PTPRD: variants seen among roughly 807,000 people sequenced by gnomAD.
The protein encoded by PTPRD is protein tyrosine phosphatase receptor type D.
A neutral mutation model predicts 214.5 loss-of-function variants in PTPRD; 34 were observed. The ratio of observed to expected loss-of-function variants is 0.16; its 90% CI spans 0.12 to 0.21. The LOEUF is 0.21. Ranked by LOEUF, PTPRD falls within the 10% of genes least tolerant of loss-of-function variation. The pLI, the probability that PTPRD is intolerant of heterozygous loss-of-function variation, is 1.00. For missense variants in PTPRD, 2,545 were observed against 2,398.7 expected (o/e 1.06, Z -1.27); for synonymous variants, 1,128 against 845.7 (o/e 1.33, Z -5.79).
At chr9:10,081,042 C>A (rs964549427) in intron 3 of PTPRD, among the ~76,000 whole-genome samples, 11 of 151,930 alleles carry the variant, frequency 7.2e-5, no homozygotes, top group Non-Finnish European at 2.9e-5. Context: ...ACCCAAATAA[C>A]TTGTATGGAA....
At chr9:9,772,042 T>C (rs1178319687) in intron 5 of PTPRD, among the ~76,000 whole-genome samples, 2 of 152,178 alleles carry the variant, frequency 1.3e-5, no homozygotes, top group Admixed American at 6.6e-5. Flanking sequence ...TGTGTTGAAG[T>C]CCTAACCCCC....
At chr9:8,570,752 A>C (rs1055746936) in intron 14 of PTPRD, among the ~76,000 whole-genome samples, 1 of 152,182 alleles carries the variant, frequency 6.6e-6, no homozygotes. Flanking sequence ...GTTTGTTTTA[A>C]GCTGTATCAT....
At chr9:9,305,281 A>G (rs907536998) in intron 9 of PTPRD, among the ~76,000 whole-genome samples, 1 of 151,864 alleles carries the variant, frequency 6.6e-6, no homozygotes, top group African/African-American at 2.4e-5. Context: ...TTTAACAGTA[A>G]TCTTGGTAGG....
chr9:9,787,764 AT>A (rs887257771), intron 5 of PTPRD, among the ~76,000 whole-genome samples: 1 of 140,474 alleles, frequency 7.1e-6, no homozygotes, highest in African/African-American at 2.6e-5. Flanking sequence ...ACGTATATCA[AT>A]TTTTTATTTA....
intron 3 of PTPRD, among the ~76,000 whole-genome samples, chr9:10,040,793 T>C (rs944663221): frequency 6.6e-6 from 1 of 152,086 alleles, no homozygotes; most frequent in African/African-American, 2.4e-5. Flanking sequence ...TAAACCTCAC[T>C]TTTAAAGGTA....
chr9:10,264,828 C>T (rs1367650162), intron 3 of PTPRD, among the ~76,000 whole-genome samples: 1 of 152,074 alleles, frequency 6.6e-6, no homozygotes, highest in Non-Finnish European at 1.5e-5. Context: ...ATTATAGCTC[C>T]CATAATCCCC....
At position 9,744,831 on chromosome 9, in the gene PTPRD, A is replaced by T. The variant is rs115713912; in HGVS notation, c.-325-10260T>A. ...TAATCTAATTCATCACACAGCTTTT[A>T]TGTGAGCCCTCCAGCAATTTTAATA... On this transcript the variant is annotated intron_variant, in intron 6 of 45. Coordinates refer to ENST00000381196, the MANE Select transcript of PTPRD (RefSeq NM_002839.4). Among the ~76,000 whole-genome samples the T allele has an allele frequency of 2.1e-3, 323 of 152,136 alleles. 2 individuals carry two copies. The highest frequency in any genetic ancestry group is 7.5e-3 in the African/African-American group (310 of 41,546).
At chr9:9,140,040 G>C (rs928202866) in intron 10 of PTPRD, among the ~76,000 whole-genome samples, 4 of 151,600 alleles carry the variant, frequency 2.6e-5, no homozygotes, top group African/African-American at 9.7e-5. Context: ...TATTTTGTTT[G>C]AAAAAAGATT....
chr9:8,398,395 T>A (rs1261976592), intron 36 of PTPRD, among the ~76,000 whole-genome samples: 1 of 152,136 alleles, frequency 6.6e-6, no homozygotes. Context: ...CTGAGCAGCA[T>A]ATAGGCCCTC....
intron 7 of PTPRD, among the ~76,000 whole-genome samples, chr9:9,611,279 A>T (rs2094497472): frequency 6.6e-6 from 1 of 152,212 alleles, no homozygotes; most frequent in Non-Finnish European, 1.5e-5. Context: ...AATCTAGATC[A>T]AAATACGCAA....
chr9:10,042,762 T>A (rs2097320276), intron 3 of PTPRD, among the ~76,000 whole-genome samples: 1 of 151,910 alleles, frequency 6.6e-6, no homozygotes, highest in Non-Finnish European at 1.5e-5. Context: ...ACACTGTCCT[T>A]TTCCCCACCA....
chr9:10,335,542 G>A (rs1473732673), intron 3 of PTPRD, among the ~76,000 whole-genome samples: 2 of 151,496 alleles, frequency 1.3e-5, no homozygotes, highest in Non-Finnish European at 1.5e-5. Context: ...GTTTGATGAT[G>A]ACATTAGATA....
intron 7 of PTPRD, among the ~76,000 whole-genome samples, chr9:9,584,412 CTCA>C (rs2091522246): frequency 6.6e-6 from 1 of 151,350 alleles, no homozygotes; most frequent in African/African-American, 2.4e-5. Context: ...CTCTATGTTG[CTCA>C]TGTTTCACCA....
chr9:9,943,169 A>G (rs764039850), intron 4 of PTPRD, among the ~76,000 whole-genome samples: 3 of 152,132 alleles, frequency 2.0e-5, no homozygotes, highest in Non-Finnish European at 2.9e-5. Flanking sequence ...TTTAACCCTT[A>G]AAGAACCAGA....
At chr9:8,376,222 C>G (rs1357010652) in intron 38 of PTPRD, 132 bp from the exon 39 acceptor site, 1 of 1,069,312 alleles carries the variant, frequency 9.4e-7, no homozygotes, top group Non-Finnish European at 1.3e-6. Context: ...TTTGGGAAGA[C>G]ACACTCTTTG....
At chr9:8,527,277 T>C in intron 16 of PTPRD, 68 bp downstream of exon 16, 2 of 1,462,208 alleles carry the variant, frequency 1.4e-6, no homozygotes, top group East Asian at 2.4e-5. Context: ...ATTTTATTAA[T>C]AATAATAATA....
chr9:9,314,685 G>A (rs922517199), intron 9 of PTPRD, among the ~76,000 whole-genome samples: 2 of 152,034 alleles, frequency 1.3e-5, no homozygotes, highest in African/African-American at 4.8e-5. Context: ...AATGCAATGG[G>A]ATTGAAATAC....
At chr9:8,448,064 C>T (rs551593381) in intron 34 of PTPRD, among the ~76,000 whole-genome samples, 1 of 152,084 alleles carries the variant, frequency 6.6e-6, no homozygotes, top group Non-Finnish European at 1.5e-5. Context: ...GTGGCTAATG[C>T]CTGTAATCCC....
At chr9:9,767,487 C>A (rs1034823500) in intron 5 of PTPRD, among the ~76,000 whole-genome samples, 2 of 151,922 alleles carry the variant, frequency 1.3e-5, no homozygotes, top group Non-Finnish European at 2.9e-5. Context: ...TTATTTCTAG[C>A]TTATTATTCT....
Sources: allele counts gnomAD v4.1 joint callset (sites outside exome capture counted in the v4.1 genomes callset), GRCh38; gene constraint gnomAD v4.1.1; transcripts MANE v1.5; gene names NCBI Gene and HGNC (gene_info 2026-07-23, HGNC 2026-07-21).